Variants in NRG1 observed in about 807,000 individuals in gnomAD.
NRG1 encodes the protein pro-neuregulin-1, membrane-bound isoform.
A neutral mutation model predicts 63.8 loss-of-function variants in NRG1; 18 were observed. The ratio of observed to expected loss-of-function variants is 0.28; its 90% CI spans 0.19 to 0.42. The LOEUF (loss-of-function observed/expected upper bound fraction) is 0.42, where lower values mean the gene tolerates loss of function less well. Among genes scored for constraint, NRG1 ranks in the 10% least tolerant of loss-of-function variants. The pLI, the probability that NRG1 is intolerant of heterozygous loss-of-function variation, is 1.00. For missense variants in NRG1, 762 were observed against 814.7 expected (o/e 0.94, Z 0.79); for synonymous variants, 302 against 301.3 (o/e 1.00, Z -0.02).
intron 1 of NRG1, among the ~76,000 whole-genome samples, chr8:31,860,186 G>T (rs1243500090): frequency 4.6e-5 from 7 of 152,144 alleles, no homozygotes; most frequent in Non-Finnish European, 1.0e-4. Flanking sequence ...GTTTTGCTTT[G>T]TGATATAGTC....
chr8:32,694,867 G>A (rs901425328), intron 5 of NRG1, among the ~76,000 whole-genome samples: 1 of 152,142 alleles, frequency 6.6e-6, no homozygotes, highest in Admixed American at 6.5e-5. Context: ...ATCCCACAGC[G>A]AGGGTCCACG....
At chr8:31,645,165 A>G (rs1053956929) in intron 1 of NRG1, among the ~76,000 whole-genome samples, 2 of 152,230 alleles carry the variant, frequency 1.3e-5, no homozygotes, top group African/African-American at 4.8e-5. Flanking sequence ...ATGTTATAAC[A>G]TGTAAGTTAA....
intron 1 of NRG1, among the ~76,000 whole-genome samples, chr8:31,875,780 T>C (rs147150341): frequency 2.6e-4 from 39 of 152,276 alleles, no homozygotes; most frequent in Non-Finnish European, 2.6e-4. Flanking sequence ...TTTTCTTCTT[T>C]AGGTTTTCAT....
intron 1 of NRG1, among the ~76,000 whole-genome samples, chr8:32,217,550 C>T (rs1310080343): frequency 6.6e-6 from 1 of 152,058 alleles, no homozygotes; most frequent in African/African-American, 2.4e-5. Flanking sequence ...TTGCAATTGC[C>T]ATCCTTTTTG....
At chr8:31,743,577 T>G (rs932727993) in intron 1 of NRG1, among the ~76,000 whole-genome samples, 13 of 151,550 alleles carry the variant, frequency 8.6e-5, no homozygotes, top group East Asian at 1.9e-4. Context: ...TGTGTGTGGG[T>G]GTGTGTGTGT....
exon 12 of NRG1, chr8:32,766,208 T>C (rs1381787573): frequency 6.6e-6 from 1 of 152,212 alleles, no homozygotes; most frequent in Non-Finnish European, 1.5e-5. Flanking sequence ...GCATGAGTCA[T>C]GTTGTTACCC....
At chr8:32,648,541 C>G (rs993948447) in intron 5 of NRG1, among the ~76,000 whole-genome samples, 1 of 152,142 alleles carries the variant, frequency 6.6e-6, no homozygotes, top group East Asian at 1.9e-4. Context: ...ATTGAAGGGC[C>G]GAGTAAAATG....
intron 1 of NRG1, among the ~76,000 whole-genome samples, chr8:32,418,471 C>A (rs1240613241): frequency 6.6e-6 from 1 of 151,810 alleles, no homozygotes; most frequent in Non-Finnish European, 1.5e-5. Context: ...ATTTTACATT[C>A]TTTTTTTCAC....
At chr8:32,162,436 C>T (rs1838935465) in intron 1 of NRG1, among the ~76,000 whole-genome samples, 1 of 152,026 alleles carries the variant, frequency 6.6e-6, no homozygotes, top group Non-Finnish European at 1.5e-5. Flanking sequence ...TACAGAATGG[C>T]ATTACAACAA....
At chr8:32,337,620 C>G (rs1356499607) in intron 1 of NRG1, among the ~76,000 whole-genome samples, 2 of 87,516 alleles carry the variant, frequency 2.3e-5, no homozygotes, top group African/African-American at 8.7e-5. Flanking sequence ...AGAGAAAGAC[C>G]CTAAGTGGCT....
chr8:31,921,011 CA>C (rs1316431951), intron 1 of NRG1, among the ~76,000 whole-genome samples: 3 of 152,056 alleles, frequency 2.0e-5, no homozygotes, highest in African/African-American at 7.2e-5. Flanking sequence ...ATAGTAAAAG[CA>C]GATGACATGC....
intron 1 of NRG1, among the ~76,000 whole-genome samples, chr8:31,932,660 C>A (rs1834961699): frequency 6.6e-6 from 1 of 152,054 alleles, no homozygotes; most frequent in Non-Finnish European, 1.5e-5. Flanking sequence ...TTGTATTTTA[C>A]CCCCTTAAAA....
At chr8:32,040,960 T>C (rs994658065) in intron 1 of NRG1, among the ~76,000 whole-genome samples, 1 of 151,340 alleles carries the variant, frequency 6.6e-6, no homozygotes, top group Non-Finnish European at 1.5e-5. Context: ...AAAAATTGAA[T>C]TCCCTTCTTA....
exon 2 of NRG1, chr8:32,595,858 G>A: frequency 1.2e-6 from 2 of 1,606,352 alleles, no homozygotes. Context: ...GAGATGAAAA[G>A]CCAGGAATCG....
At chr8:31,910,838 A>G (rs1387882187) in intron 1 of NRG1, among the ~76,000 whole-genome samples, 1 of 152,184 alleles carries the variant, frequency 6.6e-6, no homozygotes, top group Admixed American at 6.5e-5. Context: ...AAGAGTGTGG[A>G]GTTGTCAAAG....
At chr8:32,187,136 G>A (rs570302554) in intron 1 of NRG1, among the ~76,000 whole-genome samples, 1 of 152,226 alleles carries the variant, frequency 6.6e-6, no homozygotes, top group Non-Finnish European at 1.5e-5. Context: ...GTTAATTAAA[G>A]TGGCAATGGA....
chr8:32,419,270 G>C (rs578190832), intron 1 of NRG1, among the ~76,000 whole-genome samples: 2 of 152,318 alleles, frequency 1.3e-5, no homozygotes, highest in South Asian at 4.1e-4. Context: ...AAATATATGG[G>C]ACCTTGTAGT....
In NRG1 at chr8:32,712,380, C is replaced by T. The variant is rs926968086; in HGVS notation, c.503-15569C>T. 7.2e-5 allele frequency among the ~76,000 whole-genome samples: 11 copies of T among 152,124 alleles called. No individual in the cohort carries two copies. In the South Asian group the frequency reaches 2.3e-3, roughly 31 times the overall value. ...GTCAGCAGACATATTTGATACCTTT[C>T]TTTTTCCTTTAGTAAAAGGAGTTGT... On this transcript the variant is annotated intron_variant, in intron 5 of 11. Transcript: ENST00000356819.
chr8:32,346,512 A>G (rs1804917479), intron 1 of NRG1, among the ~76,000 whole-genome samples: 1 of 151,218 alleles, frequency 6.6e-6, no homozygotes, highest in Non-Finnish European at 1.5e-5. Flanking sequence ...CCCAGAATGG[A>G]AATTTCTTCC....
Sources: allele counts gnomAD v4.1 joint callset (sites outside exome capture counted in the v4.1 genomes callset), GRCh38; gene constraint gnomAD v4.1.1; transcripts MANE v1.5; gene names NCBI Gene and HGNC (gene_info 2026-07-23, HGNC 2026-07-21).